The following SRPK1 variants were observed in gnomAD, a reference collection of about 807,000 sequenced individuals.
SRPK1 encodes the protein SRSF protein kinase 1, also known as SFRS protein kinase 1.
SRPK1 carries 52 observed loss-of-function variants against 89.5 expected under a neutral mutation model. The ratio of observed to expected loss-of-function variants is 0.58; its 90% CI spans 0.46 to 0.73. The LOEUF (loss-of-function observed/expected upper bound fraction) is 0.73. Among genes scored for constraint, SRPK1 ranks in the 30% least tolerant of loss-of-function variants. SRPK1 has a pLI of 0.00. For missense variants in SRPK1, 603 were observed against 780.6 expected (o/e 0.77, Z 2.71); for synonymous variants, 255 against 270.2 (o/e 0.94, Z 0.55).
At chr6:35,919,613 C>A (rs1178600003) in intron 2 of SRPK1, among the ~76,000 whole-genome samples, 1 of 152,200 alleles carries the variant, frequency 6.6e-6, no homozygotes, top group Non-Finnish European at 1.5e-5. Flanking sequence ...AACGTTAGTA[C>A]ATGATGAAAG....
At chr6:35,882,115 G>GCAA in intron 6 of SRPK1, among the ~76,000 whole-genome samples, 2 of 110,640 alleles carry the variant, frequency 1.8e-5, no homozygotes, top group Admixed American at 1.9e-4. Context: ...AGTAGTAGTA[G>GCAA]TACTAGTAGT....
chr6:35,884,658 G>A (rs1770365477), intron 6 of SRPK1, among the ~76,000 whole-genome samples: 1 of 152,144 alleles, frequency 6.6e-6, no homozygotes, highest in Non-Finnish European at 1.5e-5. Flanking sequence ...GAATAAAATA[G>A]GGAATCAATG....
intron 14 of SRPK1, among the ~76,000 whole-genome samples, chr6:35,842,129 T>C (rs935090537): frequency 6.6e-6 from 1 of 152,188 alleles, no homozygotes; most frequent in Non-Finnish European, 1.5e-5. Flanking sequence ...AGAAATAGGA[T>C]ATAGTCTCTG....
intron 12 of SRPK1, among the ~76,000 whole-genome samples, chr6:35,863,629 G>A (rs1184344825): frequency 1.4e-5 from 2 of 141,524 alleles, no homozygotes; most frequent in African/African-American, 5.0e-5. Flanking sequence ...ATGGGGAGGG[G>A]GAGGTGGAGG....
chr6:35,864,346 G>GA lies in SRPK1; in HGVS notation c.1512+4663dup, dbSNP rs57546346. Among the ~76,000 whole-genome samples the GA allele has an allele frequency of 4.0e-3, 590 of 147,136 alleles. 3 individuals are homozygous for GA. The highest frequency in any genetic ancestry group is 0.013 in the African/African-American group (533 of 40,092). On this transcript the variant is annotated intron_variant, in intron 12 of 15. Transcript: ENST00000373825. ...ATAAGGAGCTCAAGCAACTCTATAG[G>GA]AAAAAAAAAAAATCTAATAATCTGA...
chr6:35,839,088 ATG>A (rs1182117628), intron 14 of SRPK1, among the ~76,000 whole-genome samples: 2 of 152,210 alleles, frequency 1.3e-5, no homozygotes, highest in African/African-American at 4.8e-5. Context: ...CTGTCCAAAT[ATG>A]TGTTAGGCAT....
chr6:35,892,689 CG>C lies in SRPK1; in HGVS notation c.75-1677del, dbSNP rs1248013108. ...ACAACAACAACAACAACAACAACAA[CG>C]ACAACAACACAAAACAAAACAAAAC... is the stretch of plus-strand genomic sequence containing the variant. On this transcript the variant is annotated intron_variant, in intron 2 of 15. Coordinates refer to ENST00000373825, the MANE Select transcript of SRPK1 (RefSeq NM_003137.5). Among the ~76,000 whole-genome samples the C allele has an allele frequency of 3.7e-5, 5 of 134,966 alleles. No homozygotes were observed. In the East Asian group the frequency reaches 8.1e-4, roughly 22 times the overall value. 88.5% of individuals were successfully genotyped at this position (134,966 alleles called of 152,430 possible).
Position 35,870,978 on chromosome 6 carries a change from CAAGT to C in SRPK1, c.752-23_752-20del. 1 of 1,604,106 alleles carries C rather than the reference CAAGT, an allele frequency of 6.2e-7. No homozygotes were observed. The highest frequency in any genetic ancestry group is 8.5e-7 in the Non-Finnish European group (1 of 1,174,042). On this transcript the variant is annotated intron_variant, in intron 8 of 15. Transcript: ENST00000373825. ...GTACTGACTGAAAAGAAAAGAAAAC[CAAGT>C]AAGAATTCTGGCATTCATCAGGCAA...
intron 4 of SRPK1, 49 bp downstream of exon 4, chr6:35,888,766 C>T (rs1377146777): frequency 8.4e-7 from 1 of 1,194,858 alleles, no homozygotes; most frequent in Non-Finnish European, 1.3e-6. Context: ...CAGACAAACA[C>T]ATTTAGACAT....
intron 14 of SRPK1, among the ~76,000 whole-genome samples, chr6:35,841,326 C>G (rs536886328): frequency 6.6e-6 from 1 of 152,170 alleles, no homozygotes; most frequent in Non-Finnish European, 1.5e-5. Flanking sequence ...GCAGGTCCTA[C>G]TAACATTACC....
At chr6:35,907,337 C>T (rs1462367458) in intron 2 of SRPK1, among the ~76,000 whole-genome samples, 1 of 152,106 alleles carries the variant, frequency 6.6e-6, no homozygotes, top group African/African-American at 2.4e-5. Context: ...AATTATACTA[C>T]CGTAGCTATG....
At chr6:35,850,253 C>T (rs1769524925) in intron 13 of SRPK1, among the ~76,000 whole-genome samples, 1 of 152,034 alleles carries the variant, frequency 6.6e-6, no homozygotes, top group African/African-American at 2.4e-5. Context: ...CATTTCAAAC[C>T]AGATATGCCA....
At chr6:35,837,729 A>AT (rs1347712268) in intron 15 of SRPK1, among the ~76,000 whole-genome samples, 129 of 151,726 alleles carry the variant, frequency 8.5e-4, no homozygotes, top group African/African-American at 2.9e-3. Context: ...TTAATTAAAA[A>AT]TTTTTTTTTG....
At chr6:35,867,468 T>C (rs1025795477) in intron 12 of SRPK1, among the ~76,000 whole-genome samples, 2 of 152,168 alleles carry the variant, frequency 1.3e-5, no homozygotes, top group African/African-American at 2.4e-5. Flanking sequence ...GCTCTTTGAG[T>C]ACTGTCATTT....
intron 2 of SRPK1, among the ~76,000 whole-genome samples, chr6:35,915,231 G>T (rs888870592): frequency 6.6e-6 from 1 of 151,892 alleles, no homozygotes; most frequent in South Asian, 2.1e-4. Context: ...GTTAAACCTC[G>T]TCTCTACTAA....
chr6:35,866,328 C>A (rs1057156406), intron 12 of SRPK1, among the ~76,000 whole-genome samples: 1 of 152,066 alleles, frequency 6.6e-6, no homozygotes, highest in African/African-American at 2.4e-5. Flanking sequence ...GCTCATGCCT[C>A]TAATCCCAGC....
At chr6:35,920,120 G>A (rs1274413117) in intron 2 of SRPK1, 1 of 480,156 alleles carries the variant, frequency 2.1e-6, no homozygotes, top group Non-Finnish European at 4.1e-6. Flanking sequence ...AGAGACCAGA[G>A]TTCAGAAACA....
intron 2 of SRPK1, among the ~76,000 whole-genome samples, chr6:35,892,458 C>T (rs888102810): frequency 6.6e-6 from 1 of 152,046 alleles, no homozygotes; most frequent in African/African-American, 2.4e-5. Flanking sequence ...TTGAGACCAG[C>T]CTGGCCAACA....
At chr6:35,904,912 T>C in intron 2 of SRPK1, 1 of 417,746 alleles carries the variant, frequency 2.4e-6, no homozygotes, top group Middle Eastern at 3.8e-4. Flanking sequence ...GCCAAGGTGG[T>C]GAGAGGATCC....
Sources: allele counts gnomAD v4.1 joint callset (sites outside exome capture counted in the v4.1 genomes callset), GRCh38; gene constraint gnomAD v4.1.1; transcripts MANE v1.5; gene names NCBI Gene and HGNC (gene_info 2026-07-23, HGNC 2026-07-21).